The following ITGAM variants were observed in gnomAD, a reference collection of about 807,000 sequenced individuals.
ITGAM encodes the protein integrin alpha-M.
ITGAM carries 79 observed loss-of-function variants against 137.5 expected under a neutral mutation model. That is an observed-to-expected ratio of 0.57 (90% CI 0.48 to 0.69). ITGAM has a LOEUF of 0.69. Ranked by LOEUF, ITGAM falls within the 30% of genes least tolerant of loss-of-function variation. The probability of loss-of-function intolerance (pLI) is 0.00; values close to 1 mark genes in which losing one functional copy is unlikely to be tolerated. For synonymous variants in ITGAM, 583 were observed against 592.3 expected, an observed-to-expected ratio of 0.98 and a Z score of 0.23; for missense variants, 1,343 against 1,483.5, an observed-to-expected ratio of 0.91 and a Z score of 1.56.
chr16:31,272,790 A>G (rs896080317), intron 7 of ITGAM, among the ~76,000 whole-genome samples: 1 of 151,668 alleles, frequency 6.6e-6, no homozygotes, highest in African/African-American at 2.4e-5. Flanking sequence ...TATATTTTTA[A>G]AATTCAAAAG....
At chr16:31,265,951 G>A in intron 4 of ITGAM, 70 bp downstream of exon 4, 13 of 1,594,954 alleles carry the variant, frequency 8.2e-6, no homozygotes, top group Non-Finnish European at 1.1e-5. Flanking sequence ...TGGGGCTGGG[G>A]GTCTTGTGGA....
chr16:31,293,200 T>C (rs1472201052), intron 12 of ITGAM, among the ~76,000 whole-genome samples: 1 of 152,208 alleles, frequency 6.6e-6, no homozygotes, highest in African/African-American at 2.4e-5. Flanking sequence ...TCTCATTCTT[T>C]AGGTTGTCTG....
At chr16:31,275,804 A>G in intron 9 of ITGAM, 105 bp downstream of exon 9, 1 of 1,096,288 alleles carries the variant, frequency 9.1e-7, no homozygotes, top group South Asian at 1.5e-5. Context: ...GGTATCCCCC[A>G]GCATCAACTC....
intron 16 of ITGAM, among the ~76,000 whole-genome samples, chr16:31,322,248 G>A (rs947572975): frequency 6.6e-6 from 1 of 152,100 alleles, no homozygotes; most frequent in African/African-American, 2.4e-5. Context: ...CTTGAGCCCA[G>A]GAGGTTGAGG....
chr16:31,329,480 C>T (rs904588798), intron 24 of ITGAM, among the ~76,000 whole-genome samples, 177 bp downstream of exon 24: 11 of 152,130 alleles, frequency 7.2e-5, no homozygotes, highest in Admixed American at 1.3e-4. Context: ...GTGACATGCA[C>T]GCACGTAGTT....
chr16:31,305,199 T>A (rs1303737466), intron 14 of ITGAM, among the ~76,000 whole-genome samples: 3 of 152,130 alleles, frequency 2.0e-5, no homozygotes, highest in Admixed American at 6.6e-5. Flanking sequence ...TTCCTAGGCA[T>A]TTTATTTTAT....
At chr16:31,310,259 A>T (rs2080311664) in intron 14 of ITGAM, among the ~76,000 whole-genome samples, 1 of 152,042 alleles carries the variant, frequency 6.6e-6, no homozygotes, top group Admixed American at 6.6e-5. Flanking sequence ...TAGATTGGGG[A>T]AGTTCTCCTG....
chr16:31,291,269 G>A (rs924354545), intron 12 of ITGAM, among the ~76,000 whole-genome samples: 5 of 152,026 alleles, frequency 3.3e-5, no homozygotes, highest in East Asian at 1.9e-4. Context: ...TCTATATCTC[G>A]ACTATTGTGA....
chr16:31,284,432 GC>G (rs1229263420), intron 12 of ITGAM, among the ~76,000 whole-genome samples: 4 of 152,126 alleles, frequency 2.6e-5, no homozygotes, highest in Non-Finnish European at 5.9e-5. Flanking sequence ...AATGGTGGAC[GC>G]CCCTCCCCCA....
chr16:31,276,872 G>T, intron 10 of ITGAM, 48 bp from the exon 11 acceptor site: 1 of 1,596,750 alleles, frequency 6.3e-7, no homozygotes, highest in African/African-American at 1.3e-5. Flanking sequence ...AGGGGCAGCG[G>T]TTGTCCCTTC....
At chr16:31,316,427 T>C (rs1255013106) in intron 14 of ITGAM, among the ~76,000 whole-genome samples, 1 of 151,812 alleles carries the variant, frequency 6.6e-6, no homozygotes, top group Non-Finnish European at 1.5e-5. Flanking sequence ...TGATTGTAAA[T>C]GCATGGGTTC....
intron 14 of ITGAM, among the ~76,000 whole-genome samples, chr16:31,311,871 A>G (rs531519973): frequency 7.9e-5 from 12 of 152,176 alleles, no homozygotes; most frequent in African/African-American, 2.2e-4. Context: ...AATAGCAAAG[A>G]CTTGGAACCA....
intron 12 of ITGAM, among the ~76,000 whole-genome samples, chr16:31,284,042 A>G (rs62051467): frequency 1.1e-4 from 16 of 152,182 alleles, no homozygotes; most frequent in Non-Finnish European, 2.2e-4. Flanking sequence ...GCAGAACAGC[A>G]AATATTACAA....
intron 23 of ITGAM, 123 bp from the exon 24 acceptor site, chr16:31,329,098 CATCTCCA>C: frequency 1.1e-5 from 7 of 653,840 alleles, no homozygotes; most frequent in South Asian, 3.2e-5. Context: ...CACCCCACCC[CATCTCCA>C]CCCCCCAGGA....
At chr16:31,305,177 T>C (rs1048830343) in intron 14 of ITGAM, among the ~76,000 whole-genome samples, 1 of 152,172 alleles carries the variant, frequency 6.6e-6, no homozygotes, top group Non-Finnish European at 1.5e-5. Flanking sequence ...TTCACCTCCT[T>C]GGTTAACTAT....
At position 31,325,547 on chromosome 16, in the gene ITGAM, C is replaced by T. The variant is rs2080500151; in HGVS notation, c.2553C>T (p.Ser851=). 6 of 1,613,872 alleles carry T rather than the reference C, an allele frequency of 3.7e-6. No homozygotes were observed. The highest frequency in any genetic ancestry group is 1.6e-4 in the Middle Eastern group (1 of 6,084). ...RSWRLACESA[S]STEVSGALKS... is the part of the protein sequence containing the mutation. ...GGCGCCTGGCCTGTGAGTCTGCCTCCTCCACCGAAGTGTCTGGGGCCTTGA... is the reference window on the plus strand; with the variant it reads ...GGCGCCTGGCCTGTGAGTCTGCCTCTTCCACCGAAGTGTCTGGGGCCTTGA... Residue 851 remains serine (S), a synonymous_variant, in exon 21 of 30, where the codon TCC becomes TCT. Transcript: ENST00000544665.
rs749925365 is a variant in ITGAM, at chr16:31,297,497, G to C, written c.1357-17G>C. On this transcript the variant is annotated splice_polypyrimidine_tract_variant and intron_variant, in intron 12 of 29. Transcript: ENST00000544665. ...TAGGTGGGAAGAGGTGTGTGATTACGGTCCTGTCTCTTTCAGATCGGCGCC... is the reference window on the plus strand; with the variant it reads ...TAGGTGGGAAGAGGTGTGTGATTACCGTCCTGTCTCTTTCAGATCGGCGCC... 6.2e-6 allele frequency: 10 copies of C among 1,611,634 alleles called. No individual in the cohort carries two copies. The highest frequency in any genetic ancestry group is 4.5e-5 in the East Asian group (2 of 44,894).
At chr16:31,308,661 C>G (rs1190498965) in intron 14 of ITGAM, among the ~76,000 whole-genome samples, 2 of 152,222 alleles carry the variant, frequency 1.3e-5, no homozygotes, top group Non-Finnish European at 2.9e-5. Context: ...TTCAGTTCTG[C>G]TCTAATCTTA....
Position 31,331,729 on chromosome 16 carries a change from G to C in ITGAM, c.*22G>C. The C allele has an allele frequency of 6.4e-7, 1 of 1,565,796 alleles. No individual in the cohort carries two copies. Reference sequence around the variant, plus strand: ...GTAGCGGCTCCTTCCCGACAGAGCTGCCTCTCGGTGGCCAGCAGGACTCTG... The same window carrying C: ...GTAGCGGCTCCTTCCCGACAGAGCTCCCTCTCGGTGGCCAGCAGGACTCTG... On this transcript the variant is annotated 3_prime_UTR_variant, in exon 30 of 30. Coordinates refer to ENST00000544665, the MANE Select transcript of ITGAM (RefSeq NM_000632.4).
Sources: allele counts gnomAD v4.1 joint callset (sites outside exome capture counted in the v4.1 genomes callset), GRCh38; gene constraint gnomAD v4.1.1; transcripts MANE v1.5; gene names NCBI Gene and HGNC (gene_info 2026-07-23, HGNC 2026-07-21).